CATSPERE: variants seen among roughly 807,000 people sequenced by gnomAD.
CATSPERE encodes cation channel sperm-associated auxiliary subunit epsilon.
Under a neutral mutation model 114.1 loss-of-function variants are expected in CATSPERE, and 93 were observed. That is an observed-to-expected ratio of 0.81 (90% CI 0.69 to 0.97). CATSPERE has a LOEUF of 0.97. Ranked by LOEUF, CATSPERE falls within the 50% of genes least tolerant of loss-of-function variation. The probability of loss-of-function intolerance (pLI) is 0.00; values close to 1 mark genes in which losing one functional copy is unlikely to be tolerated. For missense variants in CATSPERE, 1,058 were observed against 1,131.6 expected (o/e 0.93, Z 0.93); for synonymous variants, 341 against 384.1 (o/e 0.89, Z 1.31).
At chr1:244,467,170 A>G (rs757241055) in intron 2 of CATSPERE, among the ~76,000 whole-genome samples, 3 of 152,170 alleles carry the variant, frequency 2.0e-5, no homozygotes, top group Non-Finnish European at 2.9e-5. Flanking sequence ...TGTGTTTTCT[A>G]TCAGTGTTGT....
intron 13 of CATSPERE, among the ~76,000 whole-genome samples, chr1:244,588,119 G>C (rs753019472): frequency 6.6e-6 from 1 of 151,502 alleles, no homozygotes; most frequent in Non-Finnish European, 1.5e-5. Context: ...GCTTGAACTC[G>C]GGTGGCGTAG....
intron 5 of CATSPERE, among the ~76,000 whole-genome samples, chr1:244,480,269 A>G (rs1670052651): frequency 6.6e-6 from 1 of 152,216 alleles, no homozygotes; most frequent in Non-Finnish European, 1.5e-5. Flanking sequence ...AAAGTGGTAC[A>G]TAACTACATA....
At chr1:244,632,840 C>T (rs369994843) in intron 20 of CATSPERE, among the ~76,000 whole-genome samples, 10 of 152,082 alleles carry the variant, frequency 6.6e-5, no homozygotes, top group African/African-American at 1.2e-4. Flanking sequence ...AATTAAAGAA[C>T]GGAGATTGTC....
intron 20 of CATSPERE, among the ~76,000 whole-genome samples, chr1:244,628,767 C>T (rs3000691): frequency 0.84 from 128,184 of 152,148 alleles, 54,088 homozygotes; most frequent in Middle Eastern, 0.88. Flanking sequence ...GGAGCTATAG[C>T]GCCACAGCTG....
intron 7 of CATSPERE, among the ~76,000 whole-genome samples, chr1:244,516,800 G>T (rs1366991096): frequency 6.6e-6 from 1 of 152,088 alleles, no homozygotes; most frequent in African/African-American, 2.4e-5. Flanking sequence ...GGGATTACAG[G>T]CATTGAGCCA....
rs185601493 is a variant in CATSPERE at position 244,556,406 on chromosome 1, A to T, written c.1029+3592A>T. The stretch of plus-strand genomic sequence containing the variant: ...AAATAAAATGTATAACTCAGTCTAA[A>T]CACAACAATAATTACATTAAATCTA... On this transcript the variant is annotated intron_variant, in intron 9 of 21. Coordinates refer to ENST00000366534, the MANE Select transcript of CATSPERE (RefSeq NM_001130957.2). 2.6e-5 allele frequency among the ~76,000 whole-genome samples: 4 copies of T among 152,308 alleles called. No homozygotes were observed. In the East Asian group the frequency reaches 7.7e-4, roughly 29 times the overall value.
chr1:244,598,465 G>T, intron 17 of CATSPERE: 1 of 167,116 alleles, frequency 6.0e-6, no homozygotes, highest in Non-Finnish European at 1.3e-5. Flanking sequence ...GATCATTTTT[G>T]TTCCAGGGAT....
At chr1:244,595,151 C>T (rs891499353) in intron 17 of CATSPERE, among the ~76,000 whole-genome samples, 6 of 152,150 alleles carry the variant, frequency 3.9e-5, no homozygotes, top group Non-Finnish European at 8.8e-5. Flanking sequence ...ACACCAAGAA[C>T]GGTGCTAGGC....
At position 244,575,733 on chromosome 1, in the gene CATSPERE, G is replaced by C. The variant is rs1665149981; in HGVS notation, c.1950+2961G>C. On this transcript the variant is annotated intron_variant, in intron 11 of 21. Transcript: ENST00000366534. The surrounding 1 kb of genome is among the most constrained non-coding windows in gnomAD (Gnocchi z 4.5). The stretch of plus-strand genomic sequence containing the variant: ...GCCTCTGCCAGCCGCCTACGCTGCT[G>C]TTCTCCCCTCTCCTTCCCTTTCCCC... Among the ~76,000 whole-genome samples, 1 of 151,862 alleles carries C rather than the reference G, an allele frequency of 6.6e-6. No homozygotes were observed. The highest frequency in any genetic ancestry group is 2.1e-4 in the South Asian group (1 of 4,808).
chr1:244,498,430 A>G (rs1333158249), intron 6 of CATSPERE, among the ~76,000 whole-genome samples: 3 of 152,346 alleles, frequency 2.0e-5, no homozygotes, highest in East Asian at 1.9e-4. Context: ...AGCTTTTGCT[A>G]TATTTTTAAT....
At chr1:244,522,513 A>G (rs924491211) in intron 8 of CATSPERE, among the ~76,000 whole-genome samples, 1 of 152,196 alleles carries the variant, frequency 6.6e-6, no homozygotes, top group Non-Finnish European at 1.5e-5. Flanking sequence ...ATAGAGACAC[A>G]AAAAACCATT....
chr1:244,601,658 G>A (rs1669231466), intron 17 of CATSPERE, among the ~76,000 whole-genome samples: 1 of 152,150 alleles, frequency 6.6e-6, no homozygotes, highest in Non-Finnish European at 1.5e-5. Flanking sequence ...AATGCTGTGT[G>A]AGAAAGCAGG....
chr1:244,502,822 A>G (rs1362957910), intron 7 of CATSPERE, among the ~76,000 whole-genome samples: 1 of 152,196 alleles, frequency 6.6e-6, no homozygotes, highest in Non-Finnish European at 1.5e-5. Flanking sequence ...CCAAGAAGCC[A>G]TGTAGAATAG....
chr1:244,602,916 A>G (rs1455061276), intron 17 of CATSPERE, among the ~76,000 whole-genome samples: 1 of 152,196 alleles, frequency 6.6e-6, no homozygotes, highest in Non-Finnish European at 1.5e-5. Flanking sequence ...GGGGCCACAC[A>G]TGGAAACATC....
At chr1:244,581,615 T>C (rs1666186497) in intron 11 of CATSPERE, among the ~76,000 whole-genome samples, 181 bp from the exon 12 acceptor site, 1 of 152,228 alleles carries the variant, frequency 6.6e-6, no homozygotes. Context: ...CTTTATTACG[T>C]ATCTATGCAC....
chr1:244,558,843 C>T (rs1460385075), intron 9 of CATSPERE, among the ~76,000 whole-genome samples: 1 of 152,154 alleles, frequency 6.6e-6, no homozygotes, highest in African/African-American at 2.4e-5. Flanking sequence ...AGCTGCTTTA[C>T]ACTCTGGGTA....
chr1:244,518,249 TAACA>T (rs1473865298), intron 7 of CATSPERE, among the ~76,000 whole-genome samples: 1 of 152,182 alleles, frequency 6.6e-6, no homozygotes, highest in Admixed American at 6.5e-5. Flanking sequence ...GGAAGAATTC[TAACA>T]AACAGATTAG....
rs1451488979 is a variant in CATSPERE, at chr1:244,572,727, T to C, written c.1905T>C (p.His635=). The change falls in exon 11 of 22, where the codon CAT becomes CAC. Residue 635 remains histidine (H), a synonymous_variant. Coordinates refer to ENST00000366534, the MANE Select transcript of CATSPERE (RefSeq NM_001130957.2). ...SYGPKILQES[H]EISFEAAFGY... ...GCCCAAAAATATTACAAGAGAGTCA[T>C]GAGATTTCCTTTGAAGCTGCCTTTG... is the stretch of plus-strand genomic sequence containing the variant. 2 of 1,610,062 alleles carry C rather than the reference T, an allele frequency of 1.2e-6. No homozygotes were observed. Among genetic ancestry groups the C allele is most frequent in the Middle Eastern group, 1.7e-4 (1 of 6,038 alleles).
intron 8 of CATSPERE, among the ~76,000 whole-genome samples, chr1:244,533,120 C>T (rs1272540430): frequency 6.6e-6 from 1 of 151,736 alleles, no homozygotes; most frequent in East Asian, 1.9e-4. Flanking sequence ...CCTTATTTGT[C>T]TCTTTTTGTG....
Sources: allele counts gnomAD v4.1 joint callset (sites outside exome capture counted in the v4.1 genomes callset), GRCh38; gene constraint gnomAD v4.1.1; non-coding constraint Gnocchi (gnomAD v3.1); transcripts MANE v1.5; gene names NCBI Gene and HGNC (gene_info 2026-07-23, HGNC 2026-07-21).